Variants in HSPA4L observed in about 807,000 individuals in gnomAD.
The protein encoded by HSPA4L is heat shock protein family A (Hsp70) member 4 like.
Under a neutral mutation model 100.3 loss-of-function variants are expected in HSPA4L, and 48 were observed. The observed-to-expected ratio is 0.48, with a 90% confidence interval of 0.38 to 0.61. The LOEUF (loss-of-function observed/expected upper bound fraction) is 0.61. Ranked by LOEUF, HSPA4L falls within the 20% of genes least tolerant of loss-of-function variation. The pLI, the probability that HSPA4L is intolerant of heterozygous loss-of-function variation, is 0.00. For missense variants in HSPA4L, 886 were observed against 988.6 expected (o/e 0.90, Z 1.39); for synonymous variants, 319 against 328.2 (o/e 0.97, Z 0.30).
intron 1 of HSPA4L, among the ~76,000 whole-genome samples, chr4:127,786,747 G>A (rs746661428): frequency 3.9e-5 from 6 of 152,340 alleles, no homozygotes; most frequent in African/African-American, 4.8e-5. Context: ...GATTATAGGC[G>A]TGAACCAACG....
chr4:127,808,269 T>C (rs1733420538), intron 11 of HSPA4L, 140 bp downstream of exon 11: 1 of 703,826 alleles, frequency 1.4e-6, no homozygotes, highest in African/African-American at 1.8e-5. Context: ...TTTCTAGAAA[T>C]GTGCATTTGT....
chr4:127,815,151 G>A (rs1229687309), intron 12 of HSPA4L, among the ~76,000 whole-genome samples: 1 of 151,514 alleles, frequency 6.6e-6, no homozygotes, highest in African/African-American at 2.4e-5. Context: ...TTTTCTATGA[G>A]GGTCAGTTTA....
intron 16 of HSPA4L, 144 bp from the exon 17 acceptor site, chr4:127,827,161 C>G (rs982732969): frequency 3.2e-6 from 2 of 619,694 alleles, no homozygotes; most frequent in East Asian, 2.8e-5. Flanking sequence ...GCTACTGTAA[C>G]TTGCTTCCAT....
chr4:127,838,480 A>G lies in HSPA4L; in HGVS notation c.*5606A>G, dbSNP rs1056587924. ...TAATGTACATTTGGTTCAGTCTGTC[A>G]GGCAAGTACAAATCCATAACAAAAA... On this transcript the variant is annotated 3_prime_UTR_variant, in exon 19 of 19. Transcript: ENST00000296464. 23 of 152,232 alleles carry G rather than the reference A, an allele frequency of 1.5e-4. No homozygotes were observed. Among genetic ancestry groups the G allele is most frequent in the African/African-American group, 5.3e-4 (22 of 41,460 alleles). 9.4% of individuals were successfully genotyped at this position (152,232 alleles called of 1,614,324 possible). A position where few individuals can be genotyped will look rare whatever the true frequency, so the allele number is the denominator to read the frequency against.
chr4:127,794,001 C>A, intron 1 of HSPA4L, 76 bp from the exon 2 acceptor site: 1 of 950,686 alleles, frequency 1.1e-6, no homozygotes, highest in South Asian at 1.9e-5. Flanking sequence ...AATTCATTTT[C>A]TTATAAGGAG....
At position 127,830,738 on chromosome 4, in the gene HSPA4L, A is replaced by G. The variant is rs1734059943; in HGVS notation, c.2267A>G (p.Asn756Ser). 6.2e-7 allele frequency: 1 copy of G among 1,609,488 alleles called. No homozygotes were observed. Among genetic ancestry groups the G allele is most frequent in the Non-Finnish European group, 8.5e-7 (1 of 1,178,110 alleles). Residue 756 changes from asparagine to serine, a missense_variant, in exon 18 of 19, where the codon AAC becomes AGC. Asn to Ser is a conservative substitution (Grantham distance 46). Transcript: ENST00000296464. Reference sequence around the variant, plus strand: ...CTGAATAGTAAGATGAATGCACAGAACAAACTAAGTCTCACTCAAGATCCT... The same window carrying G: ...CTGAATAGTAAGATGAATGCACAGAGCAAACTAAGTCTCACTCAAGATCCT... ...SWLNSKMNAQ[N>S]KLSLTQDPVV...
rs750750229 is a variant in HSPA4L, at chr4:127,823,580, G to A, written c.2002G>A (p.Asp668Asn). The A allele has an allele frequency of 6.2e-7, 1 of 1,613,686 alleles. No individual in the cohort carries two copies. The highest frequency in any genetic ancestry group is 1.7e-5 in the Admixed American group (1 of 60,018). ...TENWLYEDGE[D>N]QPKQVYVDKL... is the part of the protein sequence containing the mutation. ...AAATTGGCTTTATGAAGACGGAGAG[G>A]ACCAACCTAAACAAGTTTATGTGGA... Residue 668 changes from aspartate (D) to asparagine (N), a missense_variant, in exon 16 of 19, where the codon GAC (aspartate) becomes AAC (asparagine). By Grantham distance (23) the Asp-to-Asn change is conservative (BLOSUM62 1). Transcript: ENST00000296464.
chr4:127,818,551 C>T (rs186794951), intron 13 of HSPA4L, 131 bp downstream of exon 13: 59 of 505,614 alleles, frequency 1.2e-4, no homozygotes, highest in Non-Finnish European at 1.7e-4. Context: ...AAGCTGATAG[C>T]CAGAATAAAT....
chr4:127,788,454 G>A (rs1246624044), intron 1 of HSPA4L, among the ~76,000 whole-genome samples: 1 of 152,142 alleles, frequency 6.6e-6, no homozygotes, highest in Non-Finnish European at 1.5e-5. Flanking sequence ...CAAATAATTT[G>A]AGAAACAATA....
chr4:127,797,358 T>C (rs571998577), intron 3 of HSPA4L, among the ~76,000 whole-genome samples: 1 of 152,218 alleles, frequency 6.6e-6, no homozygotes, highest in South Asian at 2.1e-4. Flanking sequence ...AAAGTGAAAA[T>C]TAATAGATCA....
chr4:127,832,117 T>C (rs1734098887), intron 18 of HSPA4L, among the ~76,000 whole-genome samples: 2 of 152,196 alleles, frequency 1.3e-5, no homozygotes. Flanking sequence ...TATAGTGGTC[T>C]TCTATTTGTT....
At chr4:127,796,287 C>T (rs1043659078) in intron 3 of HSPA4L, among the ~76,000 whole-genome samples, 5 of 152,122 alleles carry the variant, frequency 3.3e-5, no homozygotes, top group Non-Finnish European at 4.4e-5. Flanking sequence ...GAATCTTATA[C>T]TATAAATGTT....
At chr4:127,783,137 GC>G (rs1312457221) in intron 1 of HSPA4L, among the ~76,000 whole-genome samples, 2 of 151,602 alleles carry the variant, frequency 1.3e-5, no homozygotes, top group African/African-American at 4.8e-5. Flanking sequence ...AGCTTCGGCT[GC>G]ACACGTCAGA....
intron 12 of HSPA4L, among the ~76,000 whole-genome samples, chr4:127,815,824 T>C (rs1204194654): frequency 6.6e-6 from 1 of 151,996 alleles, no homozygotes; most frequent in Non-Finnish European, 1.5e-5. Context: ...GGATGCATAG[T>C]GGGAATTATG....
At position 127,801,888 on chromosome 4, in the gene HSPA4L, G is replaced by T; in HGVS notation, c.633G>T (p.Leu211Phe). 6.2e-7 allele frequency: 1 copy of T among 1,604,048 alleles called. No homozygotes were observed. The highest frequency in any genetic ancestry group is 8.5e-7 in the Non-Finnish European group (1 of 1,175,658). ...TGGGACATTCTGCCTATCAGGTCTT[G>T]GTTTGTGCTTTTAACAAAGGAAAAC... is the stretch of plus-strand genomic sequence containing the variant. ...IDMGHSAYQV[L>F]VCAFNKGKLK... Residue 211 changes from leucine (L) to phenylalanine (F), a missense_variant, in exon 6 of 19, where the codon TTG becomes TTT. Leu to Phe is a conservative substitution (Grantham distance 22, BLOSUM62 0). Coordinates refer to ENST00000296464, the MANE Select transcript of HSPA4L (RefSeq NM_014278.4).
chr4:127,828,441 C>T (rs534693430), intron 17 of HSPA4L, among the ~76,000 whole-genome samples: 1 of 152,088 alleles, frequency 6.6e-6, no homozygotes, highest in African/African-American at 2.4e-5. Flanking sequence ...CTTTATTTTA[C>T]AATTAAGAAA....
chr4:127,836,281 G>T lies in HSPA4L; in HGVS notation c.*3407G>T, dbSNP rs1734208503. 1 of 151,072 alleles carries T rather than the reference G, an allele frequency of 6.6e-6. No homozygotes were observed. The highest frequency in any genetic ancestry group is 2.0e-4 in the East Asian group (1 of 5,068). The allele number at this position is 151,072 out of a possible 1,614,324, so 9.4% of individuals were successfully genotyped here. On this transcript the variant is annotated 3_prime_UTR_variant, in exon 19 of 19. Transcript: ENST00000296464. ...ACTCAGGAGGCTGAGGCAGGAGAAT[G>T]GTGTGAACCCAGGAGGCGGAGGTTG... is the stretch of plus-strand genomic sequence containing the variant.
At chr4:127,831,842 A>G (rs1424452030) in intron 18 of HSPA4L, among the ~76,000 whole-genome samples, 1 of 152,006 alleles carries the variant, frequency 6.6e-6, no homozygotes, top group African/African-American at 2.4e-5. Flanking sequence ...GTTTTGGGAT[A>G]TGTGATTTTT....
chr4:127,805,324 A>G (rs1733323226), intron 9 of HSPA4L, 100 bp downstream of exon 9: 1 of 857,588 alleles, frequency 1.2e-6, no homozygotes, highest in Non-Finnish European at 1.7e-6. Context: ...CCACTTATCA[A>G]TAAGCTAAAG....
Sources: gnomAD v4.1 joint callset for allele counts (sites outside exome capture counted in the v4.1 genomes callset) on GRCh38, gnomAD v4.1.1 for gene constraint, MANE v1.5 for transcripts, NCBI Gene and HGNC (gene_info 2026-07-23, HGNC 2026-07-21) for gene names.